The following HIPK2 variants were observed in gnomAD, a reference collection of about 807,000 sequenced individuals.
The protein encoded by HIPK2 is homeodomain interacting protein kinase 2, also known as homeodomain-interacting protein kinase 2.
HIPK2 carries 27 observed loss-of-function variants against 113.7 expected under a neutral mutation model. The observed-to-expected ratio is 0.24, with a 90% CI of 0.17 to 0.33. HIPK2 has a LOEUF of 0.33. Ranked by LOEUF, HIPK2 falls within the 10% of genes least tolerant of loss-of-function variation. HIPK2 has a pLI of 1.00. For missense variants in HIPK2, 1,257 were observed against 1,588.0 expected (o/e 0.79, Z 3.54); for synonymous variants, 631 against 642.2 (o/e 0.98, Z 0.26).
intron 1 of HIPK2, among the ~76,000 whole-genome samples, chr7:139,725,236 T>C (rs1171576518): frequency 1.3e-5 from 2 of 152,178 alleles, no homozygotes; most frequent in Non-Finnish European, 2.9e-5. Flanking sequence ...AAGTAAACAC[T>C]AGAAGTTTAG....
At chr7:139,769,671 C>T (rs545292642) in intron 1 of HIPK2, among the ~76,000 whole-genome samples, 1 of 152,280 alleles carries the variant, frequency 6.6e-6, no homozygotes, top group South Asian at 2.1e-4. Flanking sequence ...CTCATTTATC[C>T]GACATCCTTG....
rs547161051 is a variant in HIPK2 at position 139,570,830 on chromosome 7, G to A, written c.*2097C>T. ...GTCAGCTAAAGACTCAACATCAGAA[G>A]CAAACAATTAGAACCACCCTTTTCG... On this transcript the variant is annotated 3_prime_UTR_variant, in exon 15 of 15. Coordinates refer to ENST00000406875, the MANE Select transcript of HIPK2 (RefSeq NM_022740.5). 1 of 152,322 alleles carries A rather than the reference G, an allele frequency of 6.6e-6. No individual in the cohort carries two copies. The highest frequency in any genetic ancestry group is 1.9e-4 in the East Asian group (1 of 5,180). 9.4% of individuals were successfully genotyped at this position (152,322 alleles called of 1,614,324 possible).
chr7:139,762,694 A>G (rs7807797), intron 1 of HIPK2, among the ~76,000 whole-genome samples: 52,591 of 152,142 alleles, frequency 0.35, 12,220 homozygotes, highest in African/African-American at 0.66. Context: ...AAAAATCTGT[A>G]TGAACAAAAG....
chr7:139,646,813 G>A (rs938331061), intron 2 of HIPK2, among the ~76,000 whole-genome samples: 9 of 152,120 alleles, frequency 5.9e-5, no homozygotes, highest in South Asian at 4.2e-4. Flanking sequence ...CAGGAGGAAG[G>A]GAGGGAGGGA....
intron 1 of HIPK2, among the ~76,000 whole-genome samples, chr7:139,732,244 G>A (rs1431447679): frequency 6.6e-6 from 1 of 152,184 alleles, no homozygotes; most frequent in African/African-American, 2.4e-5. Context: ...GGGATCCCTT[G>A]GCAGGGCAAC....
rs778509901 is a variant in HIPK2 at position 139,614,490 on chromosome 7, G to A, written c.1786C>T (p.Pro596Ser). The A allele has an allele frequency of 7.2e-7, 1 of 1,380,398 alleles. No individual in the cohort carries two copies. Among genetic ancestry groups the A allele is most frequent in the Non-Finnish European group, 9.5e-7 (1 of 1,054,562 alleles). The allele number at this position is 1,380,398 out of a possible 1,614,324, so 85.5% of individuals were successfully genotyped here. A position where few individuals can be genotyped will look rare whatever the true frequency, so the allele number is the denominator to read the frequency against. ...GAAATAGTGGCACTGGTAGAGGAGG[G>A]AGCCTAAAGGAGTGATGGGGATTAA... The part of the protein sequence containing the change: ...NQLTTVHNQA[P>S]SSTSATISLA... The change falls in exon 8 of 15, where the codon CCC becomes TCC. Residue 596 changes from proline (P) to serine (S), a missense_variant. By Grantham distance (74) the Pro-to-Ser change is moderately conservative. Transcript: ENST00000406875.
At chr7:139,699,094 C>T (rs1156437433) in intron 2 of HIPK2, among the ~76,000 whole-genome samples, 2 of 152,030 alleles carry the variant, frequency 1.3e-5, no homozygotes, top group Non-Finnish European at 2.9e-5. Context: ...TGACTGAGGG[C>T]GGCCCAGCCG....
intron 1 of HIPK2, among the ~76,000 whole-genome samples, 198 bp downstream of exon 1, chr7:139,777,407 C>A (rs1308929777): frequency 1.3e-5 from 2 of 151,880 alleles, no homozygotes; most frequent in Non-Finnish European, 2.9e-5. Flanking sequence ...CCCCTCTCCC[C>A]GCCCTGGAAG....
At chr7:139,752,427 G>A (rs1190501723) in intron 1 of HIPK2, among the ~76,000 whole-genome samples, 4 of 152,040 alleles carry the variant, frequency 2.6e-5, no homozygotes, top group South Asian at 2.1e-4. Flanking sequence ...AGTCTGTCTC[G>A]TGGTTTATCA....
chr7:139,722,759 C>A (rs375799432), intron 1 of HIPK2, among the ~76,000 whole-genome samples: 1 of 152,144 alleles, frequency 6.6e-6, no homozygotes, highest in South Asian at 2.1e-4. Flanking sequence ...TTCATTCTCA[C>A]AAAGGTCCTA....
chr7:139,686,565 A>G (rs941107035), intron 2 of HIPK2, among the ~76,000 whole-genome samples: 1 of 152,092 alleles, frequency 6.6e-6, no homozygotes, highest in African/African-American at 2.4e-5. Flanking sequence ...TGATGGTTTT[A>G]TAAGGGGCTT....
chr7:139,725,066 T>C (rs1795531900), intron 1 of HIPK2, among the ~76,000 whole-genome samples: 1 of 151,980 alleles, frequency 6.6e-6, no homozygotes, highest in Non-Finnish European at 1.5e-5. Flanking sequence ...AAGGGTCCTC[T>C]ACATAAAAAA....
At position 139,601,335 on chromosome 7, in the gene HIPK2, T is replaced by G. The variant is rs1009249591; in HGVS notation, c.2256-739A>C. On this transcript the variant is annotated intron_variant, in intron 10 of 14. Transcript: ENST00000406875. The stretch of plus-strand genomic sequence containing the variant: ...TACACAGTGTCTTCAATGGGTTATT[T>G]TATTCCACTCTGTGACGTAGGCAGG... Among the ~76,000 whole-genome samples, 3 of 152,210 alleles carry G rather than the reference T, an allele frequency of 2.0e-5. No homozygotes were observed. The East Asian group carries it at 5.8e-4, about 29-fold the overall frequency.
chr7:139,610,249 G>C (rs1279537675), intron 9 of HIPK2, among the ~76,000 whole-genome samples: 2 of 152,200 alleles, frequency 1.3e-5, no homozygotes, highest in East Asian at 3.8e-4. Flanking sequence ...ATGGCTCCTG[G>C]CTTACTAGGG....
chr7:139,624,030 T>C (rs1800335533), intron 6 of HIPK2, among the ~76,000 whole-genome samples: 1 of 150,396 alleles, frequency 6.6e-6, no homozygotes, highest in African/African-American at 2.4e-5. Flanking sequence ...GCTTCCTATT[T>C]TTTTTTTTTT....
At chr7:139,686,700 T>C (rs937359598) in intron 2 of HIPK2, among the ~76,000 whole-genome samples, 2 of 152,250 alleles carry the variant, frequency 1.3e-5, no homozygotes, top group African/African-American at 4.8e-5. Flanking sequence ...TGTGAGTCAA[T>C]TAAACCTCTT....
intron 1 of HIPK2, among the ~76,000 whole-genome samples, chr7:139,763,766 A>G (rs1011017): frequency 0.37 from 55,538 of 152,140 alleles, 14,218 homozygotes; most frequent in African/African-American, 0.72. Flanking sequence ...CAATACTCAG[A>G]GCACTTTTGG....
chr7:139,655,723 A>G (rs1321465979), intron 2 of HIPK2, among the ~76,000 whole-genome samples: 1 of 152,122 alleles, frequency 6.6e-6, no homozygotes, highest in Non-Finnish European at 1.5e-5. Context: ...GTATGATTAC[A>G]TTTGTATTTT....
Position 139,628,968 on chromosome 7 carries a change from T to G in HIPK2, c.1419A>C (p.Leu473Phe). Residue 473 changes from leucine to phenylalanine, a missense_variant, in exon 5 of 15, where the codon TTA becomes TTC. Around this residue, in one of 5 missense-constraint regions of HIPK2, gnomAD observed 862 missense variants for 1,004.3 expected, o/e 0.86. Transcript: ENST00000406875. ...TGAAGCTTACCTGGGCCATATCATC[T>G]AAACAGTTGAAAATGTACTTTCTTG... ...KEARKYIFNC[L>F]DDMAQVNMTT... The G allele has an allele frequency of 6.3e-7, 1 of 1,594,882 alleles. No individual in the cohort carries two copies. The highest frequency in any genetic ancestry group is 8.6e-7 in the Non-Finnish European group (1 of 1,169,028).
Sources: allele counts gnomAD v4.1 joint callset (sites outside exome capture counted in the v4.1 genomes callset), GRCh38; gene constraint gnomAD v4.1.1; regional missense constraint gnomAD v4.1.1; transcripts MANE v1.5; gene names NCBI Gene and HGNC (gene_info 2026-07-23, HGNC 2026-07-21).